The following IFT20 variants were observed in gnomAD, a reference collection of about 807,000 sequenced individuals.
IFT20 encodes intraflagellar transport 20.
IFT20 carries 4 observed loss-of-function variants against 16.9 expected under a neutral mutation model. That is an observed-to-expected ratio of 0.24 (90% CI 0.12 to 0.54). IFT20 has a LOEUF of 0.54. Ranked by LOEUF, IFT20 falls within the 20% of genes least tolerant of loss-of-function variation. The pLI is 0.95. For missense variants in IFT20, 154 were observed against 149.7 expected (o/e 1.03, Z -0.15); for synonymous variants, 48 against 49.9 (o/e 0.96, Z 0.16).
intron 4 of IFT20, 43 bp from the exon 5 acceptor site, chr17:28,328,776 T>G: frequency 1.8e-6 from 2 of 1,140,684 alleles, no homozygotes; most frequent in Non-Finnish European, 2.6e-6. Flanking sequence ...AAAGATGAAG[T>G]AAACCACAGA....
rs1211098885 is a variant in IFT20, at chr17:28,330,511, TCTGAAA to T, written c.139_144del (p.Phe47_Gln48del). 3.7e-6 allele frequency: 6 copies of T among 1,612,560 alleles called. No individual in the cohort carries two copies. Among genetic ancestry groups the T allele is most frequent in the Non-Finnish European group, 5.1e-6 (6 of 1,178,702 alleles). ...AGCTCAATTAAACCACCAACTATTT[TCTGAAA>T]CTGGCCAATTTCTTTTAGGAAAAGA... is the stretch of plus-strand genomic sequence containing the variant. On this transcript the variant is annotated inframe_deletion, in exon 3 of 5. Coordinates refer to ENST00000395418, the MANE Select transcript of IFT20 (RefSeq NM_001267776.2).
chr17:28,332,165 C>T (rs782078205), intron 1 of IFT20, 178 bp from the exon 2 acceptor site: 4 of 1,540,824 alleles, frequency 2.6e-6, no homozygotes, highest in South Asian at 1.2e-5. Context: ...ATCCAGGTTC[C>T]CTAGAGGAGT....
chr17:28,331,958 C>G lies in IFT20; in HGVS notation c.28G>C (p.Gly10Arg). 6.2e-7 allele frequency: 1 copy of G among 1,614,222 alleles called. No individual in the cohort carries two copies. The highest frequency in any genetic ancestry group is 2.2e-5 in the East Asian group (1 of 44,888). ...TTGTTCAGTTCATCAAAGTGTAGCC[C>G]TGCTTCACCCAGGATGTCCTTGGCC... MAKDILGEAGLHFDELNKLR... is the reference protein window; with the variant it reads MAKDILGEARLHFDELNKLR... The change falls in exon 2 of 5, where the codon GGG becomes CGG. Residue 10 changes from glycine (G) to arginine (R), a missense_variant. Physicochemically the swap from Gly to Arg is moderately radical, Grantham distance 125. Transcript: ENST00000395418.
At chr17:28,331,380 T>G (rs781993363) in intron 2 of IFT20, 10 of 161,916 alleles carry the variant, frequency 6.2e-5, no homozygotes, top group Admixed American at 3.6e-4. Flanking sequence ...TGGGCTTGCT[T>G]GGCTGCTGGG....
rs1906985212 is a variant in IFT20, at chr17:28,334,274, TAAAC to T, written c.-3+1062_-3+1065del. Among the ~76,000 whole-genome samples the T allele has an allele frequency of 2.6e-5, 4 of 152,242 alleles. No homozygotes were observed. In the South Asian group the frequency reaches 8.3e-4, roughly 32 times the overall value. ...GAGGCCTTCTGAAAAAAATGACACT[TAAAC>T]AGACCTAAAGACTGTCCAAAAGTAT... On this transcript the variant is annotated intron_variant, in intron 1 of 4. Transcript: ENST00000395418.
At position 28,330,487 on chromosome 17, in the gene IFT20, G is replaced by C. The variant is rs782162892; in HGVS notation, c.169C>G (p.Leu57Val). Residue 57 changes from leucine (L) to valine (V), a missense_variant, in exon 3 of 5, where the codon CTT becomes GTT. Leu to Val is a conservative substitution (Grantham distance 32). Transcript: ENST00000395418. ...GCTTCTTTTGCAAGTTGATCAACAA[G>C]CTCAATTAAACCACCAACTATTTTC... ...FQKIVGGLIELVDQLAKEAEN... is the reference protein window; with the variant it reads ...FQKIVGGLIEVVDQLAKEAEN... The C allele has an allele frequency of 6.2e-7, 1 of 1,613,764 alleles. No individual in the cohort carries two copies. Among genetic ancestry groups the C allele is most frequent in the Non-Finnish European group, 8.5e-7 (1 of 1,179,686 alleles).
At chr17:28,330,291 G>A (rs1275042550) in intron 3 of IFT20, 152 bp downstream of exon 3, 1 of 661,190 alleles carries the variant, frequency 1.5e-6, no homozygotes, top group Non-Finnish European at 2.7e-6. Flanking sequence ...AAGTTCAGTA[G>A]GTTAAGTGGA....
intron 3 of IFT20, chr17:28,330,211 G>A (rs782645089): frequency 4.9e-5 from 30 of 608,636 alleles, no homozygotes; most frequent in South Asian, 1.4e-4. Context: ...ACTCCAGCCT[G>A]GGTGACACAG....
chr17:28,332,959 A>G (rs1172130648), intron 1 of IFT20, among the ~76,000 whole-genome samples: 5 of 152,128 alleles, frequency 3.3e-5, no homozygotes, highest in African/African-American at 1.2e-4. Context: ...TGTAGGCAAC[A>G]GAGAACTAAC....
chr17:28,332,819 CAAAGGCCTGAAGTCACTG>C lies in IFT20; in HGVS notation c.-2-850_-2-833del, dbSNP rs1464701588. 2.0e-5 allele frequency: 3 copies of C among 152,786 alleles called. No individual in the cohort carries two copies. The East Asian group carries it at 5.8e-4, about 29-fold the overall frequency. The allele number at this position is 152,786 out of a possible 1,614,324, so 9.5% of individuals were successfully genotyped here. A position where few individuals can be genotyped will look rare whatever the true frequency, so the allele number is the denominator to read the frequency against. On this transcript the variant is annotated intron_variant, in intron 1 of 4. Transcript: ENST00000395418. ...TTCCAAGCAGAGAAAACAGCATGGA[CAAAGGCCTGAAGTCACTG>C]AAAGGACCTATCTCACCTAAGGACG...
At chr17:28,335,047 G>A (rs950006184) in intron 1 of IFT20, among the ~76,000 whole-genome samples, 1 of 152,194 alleles carries the variant, frequency 6.6e-6, no homozygotes, top group Non-Finnish European at 1.5e-5. Flanking sequence ...AGCATGAGGC[G>A]GTGGCATACT....
chr17:28,331,788 C>A, intron 2 of IFT20, 71 bp downstream of exon 2: 1 of 1,594,976 alleles, frequency 6.3e-7, no homozygotes, highest in South Asian at 1.1e-5. Context: ...GTGGCAGGGC[C>A]AAGATGAGCC....
At chr17:28,333,314 G>A (rs558973708) in intron 1 of IFT20, among the ~76,000 whole-genome samples, 9 of 152,358 alleles carry the variant, frequency 5.9e-5, no homozygotes, top group African/African-American at 2.2e-4. Flanking sequence ...TGTTCTGAAT[G>A]GGGTGATTCT....
chr17:28,335,186 C>T (rs1555577158), intron 1 of IFT20, among the ~76,000 whole-genome samples, 154 bp downstream of exon 1: 1 of 152,206 alleles, frequency 6.6e-6, no homozygotes. Flanking sequence ...GCATCAAACT[C>T]CAGGCCTAAG....
intron 1 of IFT20, among the ~76,000 whole-genome samples, chr17:28,333,830 G>T (rs1218272504): frequency 6.6e-6 from 1 of 152,012 alleles, no homozygotes; most frequent in Non-Finnish European, 1.5e-5. Flanking sequence ...ACTTGGGAGG[G>T]TAAGCTGGGA....
Position 28,333,072 on chromosome 17 carries a change from AACACAC to A in IFT20, c.-2-1091_-2-1086del, listed in dbSNP as rs56753724. ...AAAACTCACTCTTGTTCTGGCTCAA[AACACAC>A]ACACACACACACACACACACACACA... On this transcript the variant is annotated intron_variant, in intron 1 of 4. Transcript: ENST00000395418. Among the ~76,000 whole-genome samples, 873 of 144,572 alleles carry A rather than the reference AACACAC, an allele frequency of 6.0e-3. 5 individuals carry two copies. Among genetic ancestry groups the A allele is most frequent in the African/African-American group, 0.018 (704 of 38,808 alleles). 94.8% of individuals were successfully genotyped at this position (144,572 alleles called of 152,430 possible).
chr17:28,330,810 A>G (rs1254007191), intron 2 of IFT20, among the ~76,000 whole-genome samples: 1 of 152,166 alleles, frequency 6.6e-6, no homozygotes, highest in African/African-American at 2.4e-5. Flanking sequence ...TGTCGCTTAA[A>G]CACTTTGGTG....
In IFT20 at chr17:28,329,157, C is replaced by T. The variant is rs782393718; in HGVS notation, c.317+16G>A. 1.9e-6 allele frequency: 3 copies of T among 1,578,348 alleles called. No individual in the cohort carries two copies. Among genetic ancestry groups the T allele is most frequent in the South Asian group, 1.1e-5 (1 of 90,118 alleles). ...TCAGCTGTGTAAAGAACTTGCTTTA[C>T]ATCATGACTTCTTACCTTTCTAGCT... On this transcript the variant is annotated intron_variant, in intron 4 of 4. Coordinates refer to ENST00000395418, the MANE Select transcript of IFT20 (RefSeq NM_001267776.2).
At chr17:28,333,107 AAT>A (rs1906906992) in intron 1 of IFT20, among the ~76,000 whole-genome samples, 7 of 150,826 alleles carry the variant, frequency 4.6e-5, no homozygotes, top group Non-Finnish European at 7.4e-5. Context: ...ACACACACAC[AAT>A]TAAACATAGA....
Sources: gnomAD v4.1 joint callset for allele counts (sites outside exome capture counted in the v4.1 genomes callset) on GRCh38, gnomAD v4.1.1 for gene constraint, MANE v1.5 for transcripts, NCBI Gene and HGNC (gene_info 2026-07-23, HGNC 2026-07-21) for gene names.